The following COL4A3 variants were observed in gnomAD, a reference collection of about 807,000 sequenced individuals.
COL4A3 encodes the protein collagen alpha-3(IV) chain.
Under a neutral mutation model 217.4 loss-of-function variants are expected in COL4A3, and 135 were observed. That is an observed-to-expected ratio of 0.62 (90% confidence interval 0.54 to 0.72). The LOEUF is 0.72. Among genes scored for constraint, COL4A3 ranks in the 30% least tolerant of loss-of-function variants. The pLI, the probability that COL4A3 is intolerant of heterozygous loss-of-function variation, is 0.00. For missense variants in COL4A3, 1,868 were observed against 2,119.9 expected, an observed-to-expected ratio of 0.88 and a Z score of 2.33; for synonymous variants, 690 against 736.3, an observed-to-expected ratio of 0.94 and a Z score of 1.02.
intron 34 of COL4A3, among the ~76,000 whole-genome samples, chr2:227,284,931 A>AT (rs1382446971): frequency 2.6e-5 from 4 of 152,142 alleles, no homozygotes; most frequent in African/African-American, 7.2e-5. Context: ...GGCCCTTTTT[A>AT]TGGCAGTTTT....
intron 1 of COL4A3, among the ~76,000 whole-genome samples, chr2:227,225,062 C>T (rs1378613464): frequency 2.6e-5 from 4 of 152,150 alleles, no homozygotes; most frequent in Non-Finnish European, 5.9e-5. Flanking sequence ...CAGGCTTGCG[C>T]CACCATGCCT....
intron 1 of COL4A3, among the ~76,000 whole-genome samples, chr2:227,235,772 C>CCTTTTT (rs2068656177): frequency 2.5e-5 from 3 of 122,442 alleles, no homozygotes; most frequent in Non-Finnish European, 4.8e-5. Context: ...TATTTCATTC[C>CCTTTTT]TTTTTTTTTT....
intron 38 of COL4A3, 44 bp from the exon 39 acceptor site, chr2:227,294,446 C>G (rs1408306410): frequency 1.7e-6 from 2 of 1,210,280 alleles, no homozygotes; most frequent in South Asian, 2.4e-5. Flanking sequence ...AATCATTTAT[C>G]TTTTGGTGAT....
rs566956908 is a variant in COL4A3, at chr2:227,179,384, TA to T, written c.87+14578del. Among the ~76,000 whole-genome samples the T allele has an allele frequency of 6.8e-3, 1,015 of 149,882 alleles. 6 individuals are homozygous for T. The highest frequency in any genetic ancestry group is 8.2e-3 in the Non-Finnish European group (555 of 68,016). On this transcript the variant is annotated intron_variant, in intron 1 of 51. Coordinates refer to ENST00000396578, the MANE Select transcript of COL4A3 (RefSeq NM_000091.5). ...AAAATGATGAATGCTTCATGAGACT[TA>T]AAAAAAGCATCAATTAATTACTTTT...
Position 227,298,773 on chromosome 2 carries a change from A to C in COL4A3, c.3843A>C (p.Pro1281=). 1 of 1,614,038 alleles carries C rather than the reference A, an allele frequency of 6.2e-7. No homozygotes were observed. Among genetic ancestry groups the C allele is most frequent in the South Asian group, 1.1e-5 (1 of 91,078 alleles). ...TGGGCCACCCTGGCCCAAAAGGTCC[A>C]CCTGGAACTGCAGGAGACATGGGAC... ...GSMGHPGPKG[P]PGTAGDMGPP... Residue 1281 remains proline (P), a synonymous_variant, in exon 43 of 52, where the codon CCA becomes CCC. Coordinates refer to ENST00000396578, the MANE Select transcript of COL4A3 (RefSeq NM_000091.5).
At position 227,307,860 on chromosome 2, in the gene COL4A3, A is replaced by T. The variant is rs2106284497; in HGVS notation, c.4403A>T (p.Tyr1468Phe). The change falls in exon 48 of 52, where the codon TAC becomes TTC. Residue 1468 changes from tyrosine (Y) to phenylalanine (F), a missense_variant. Around this residue, in one of 2 missense-constraint regions of COL4A3, gnomAD observed 1,503 missense variants for 1,786.1 expected, o/e 0.84. Transcript: ENST00000396578. ...TGTCCAGAGGGGACAGTGCCACTCT[A>T]CAGTGGGTTTTCTTTTCTTTTTGTA... ...PSCPEGTVPL[Y>F]SGFSFLFVQG... The T allele has an allele frequency of 1.2e-6, 2 of 1,614,168 alleles. No homozygotes were observed.
intron 1 of COL4A3, among the ~76,000 whole-genome samples, chr2:227,215,659 A>G (rs2067501158): frequency 6.6e-6 from 1 of 152,046 alleles, no homozygotes. Flanking sequence ...GGGTTTCACC[A>G]TGTTGGCCAG....
At chr2:227,184,823 T>A (rs2065967120) in intron 1 of COL4A3, among the ~76,000 whole-genome samples, 1 of 135,092 alleles carries the variant, frequency 7.4e-6, no homozygotes, top group Admixed American at 7.1e-5. Context: ...TATGCGCATT[T>A]TAGAAAAATT....
chr2:227,219,531 A>T (rs2067674290), intron 1 of COL4A3, among the ~76,000 whole-genome samples: 1 of 152,232 alleles, frequency 6.6e-6, no homozygotes, highest in Non-Finnish European at 1.5e-5. Flanking sequence ...CATCTGGATG[A>T]GAAGAAAAAC....
At chr2:227,305,205 C>A in intron 47 of COL4A3, 122 bp downstream of exon 47, 1 of 804,222 alleles carries the variant, frequency 1.2e-6, no homozygotes, top group Non-Finnish European at 2.1e-6. Flanking sequence ...CAGATCAGAC[C>A]AAAGGCCAAG....
intron 1 of COL4A3, among the ~76,000 whole-genome samples, chr2:227,168,466 G>C (rs1406454640): frequency 6.6e-6 from 1 of 152,066 alleles, no homozygotes; most frequent in Non-Finnish European, 1.5e-5. Context: ...CTTTCTGTCT[G>C]TTTATCTATT....
intron 1 of COL4A3, among the ~76,000 whole-genome samples, chr2:227,179,866 TTGAG>T (rs2065813997): frequency 1.3e-5 from 2 of 152,032 alleles, no homozygotes; most frequent in Non-Finnish European, 2.9e-5. Context: ...AAAGCAAACT[TTGAG>T]TGGAGTTGAG....
intron 11 of COL4A3, among the ~76,000 whole-genome samples, chr2:227,252,033 C>T (rs1238413023): frequency 7.6e-6 from 1 of 131,224 alleles, no homozygotes; most frequent in Non-Finnish European, 1.6e-5. Flanking sequence ...AGCACCACTG[C>T]ACTCCAGCCT....
intron 9 of COL4A3, among the ~76,000 whole-genome samples, chr2:227,249,557 C>G (rs1378122849): frequency 6.6e-6 from 1 of 151,812 alleles, no homozygotes; most frequent in Non-Finnish European, 1.5e-5. Context: ...ATTATTTTAA[C>G]TTAGTTCAGA....
rs977938059 is a variant in COL4A3, at chr2:227,191,049, G to C, written c.87+26236G>C. On this transcript the variant is annotated intron_variant, in intron 1 of 51. Coordinates refer to ENST00000396578, the MANE Select transcript of COL4A3 (RefSeq NM_000091.5). This position sits in a 1 kb window ranked among gnomAD's most constrained non-coding sequence, Gnocchi z 6.8. ...GAATTTTTTAAAAAATAGATGCAAA[G>C]GTTATTATATATGAAATTTTATGTC... 6.6e-6 allele frequency among the ~76,000 whole-genome samples: 1 copy of C among 150,678 alleles called. No individual in the cohort carries two copies. Among genetic ancestry groups the C allele is most frequent in the African/African-American group, 2.5e-5 (1 of 40,088 alleles).
At chr2:227,243,634 T>C (rs1377842125) in intron 3 of COL4A3, among the ~76,000 whole-genome samples, 1 of 152,216 alleles carries the variant, frequency 6.6e-6, no homozygotes, top group Non-Finnish European at 1.5e-5. Context: ...CAAAACATAC[T>C]GAAACTCTCT....
intron 1 of COL4A3, among the ~76,000 whole-genome samples, chr2:227,232,825 TAA>T (rs1420162730): frequency 5.9e-5 from 9 of 152,288 alleles, no homozygotes; most frequent in South Asian, 2.1e-4. Context: ...TATGAATGCA[TAA>T]AAAGACATTT....
chr2:227,229,917 G>C (rs552802309), intron 1 of COL4A3, among the ~76,000 whole-genome samples: 1 of 152,170 alleles, frequency 6.6e-6, no homozygotes, highest in Admixed American at 6.5e-5. Context: ...TGGGCGTGGT[G>C]GTGGGCGCCT....
intron 29 of COL4A3, 64 bp downstream of exon 29, chr2:227,279,954 T>C: frequency 9.9e-7 from 1 of 1,011,220 alleles, no homozygotes; most frequent in South Asian, 1.4e-5. Flanking sequence ...CCAGTTTGTA[T>C]GCACTTATCT....
Sources: gnomAD v4.1 joint callset for allele counts (sites outside exome capture counted in the v4.1 genomes callset) on GRCh38, gnomAD v4.1.1 for gene constraint, gnomAD v4.1.1 regional missense constraint, Gnocchi (gnomAD v3.1) non-coding constraint, MANE v1.5 for transcripts, NCBI Gene and HGNC (gene_info 2026-07-23, HGNC 2026-07-21) for gene names.